XPO7: variants seen among roughly 807,000 people sequenced by gnomAD.
XPO7 encodes the protein exportin-7.
XPO7 carries 21 observed loss-of-function variants against 144.3 expected under a neutral mutation model. The observed-to-expected ratio is 0.15, with a 90% CI of 0.10 to 0.21. The LOEUF (loss-of-function observed/expected upper bound fraction) is 0.21, where lower values mean the gene tolerates loss of function less well. Ranked by LOEUF, XPO7 falls within the 10% of genes least tolerant of loss-of-function variation. The pLI, the probability that XPO7 is intolerant of heterozygous loss-of-function variation, is 1.00. For synonymous variants in XPO7, 580 were observed against 499.6 expected (o/e 1.16, Z -2.15); for missense variants, 808 against 1,325.8 (o/e 0.61, Z 6.06).
intron 1 of XPO7, among the ~76,000 whole-genome samples, chr8:21,920,658 A>T (rs1205171194): frequency 2.0e-5 from 3 of 152,202 alleles, no homozygotes; most frequent in Non-Finnish European, 4.4e-5. Context: ...CCAGTAGCAG[A>T]TGGAGGACTG....
chr8:22,005,136 C>T lies in XPO7; in HGVS notation c.*48C>T. 6.7e-7 allele frequency: 1 copy of T among 1,488,872 alleles called. No individual in the cohort carries two copies. Among genetic ancestry groups the T allele is most frequent in the Non-Finnish European group, 9.2e-7 (1 of 1,086,368 alleles). 92.2% of individuals were successfully genotyped at this position (1,488,872 alleles called of 1,614,324 possible). On this transcript the variant is annotated 3_prime_UTR_variant, in exon 28 of 28. Transcript: ENST00000252512. ...ACAGAGCAGCGTCCCTTTGGTTTGGCCCAGAGGGGCGAACAATTGCAAGGG... is the reference window on the plus strand; with the variant it reads ...ACAGAGCAGCGTCCCTTTGGTTTGGTCCAGAGGGGCGAACAATTGCAAGGG...
At chr8:21,936,117 CT>C (rs1490372494) in intron 1 of XPO7, among the ~76,000 whole-genome samples, 1 of 152,130 alleles carries the variant, frequency 6.6e-6, no homozygotes, top group Admixed American at 6.5e-5. Context: ...AGTTTCCAGT[CT>C]TTTAATGTCT....
At chr8:22,000,689 A>G (rs1813111606) in intron 24 of XPO7, among the ~76,000 whole-genome samples, 1 of 151,988 alleles carries the variant, frequency 6.6e-6, no homozygotes, top group African/African-American at 2.4e-5. Flanking sequence ...TCCTGACCTC[A>G]TGATCCGCCT....
chr8:21,998,666 C>A, intron 21 of XPO7, 89 bp from the exon 22 acceptor site: 1 of 1,036,606 alleles, frequency 9.6e-7, no homozygotes, highest in Non-Finnish European at 1.5e-6. Flanking sequence ...AATGCAGGAT[C>A]ACCCAAGGTA....
intron 1 of XPO7, among the ~76,000 whole-genome samples, chr8:21,959,808 A>G (rs1439890097): frequency 6.6e-6 from 1 of 152,154 alleles, no homozygotes. Flanking sequence ...AACAAAATGC[A>G]TTTACTTTAC....
intron 5 of XPO7, among the ~76,000 whole-genome samples, chr8:21,972,433 C>T (rs980874956): frequency 2.0e-5 from 3 of 152,184 alleles, no homozygotes; most frequent in South Asian, 2.1e-4. Context: ...GCCAAGATCG[C>T]GCTGTTGCAC....
At chr8:21,953,329 T>C (rs1217570405) in intron 1 of XPO7, among the ~76,000 whole-genome samples, 2 of 152,170 alleles carry the variant, frequency 1.3e-5, no homozygotes, top group African/African-American at 4.8e-5. Flanking sequence ...TCTCTATTGT[T>C]TTGCCTTTTC....
Position 21,969,947 on chromosome 8 carries a change from A to G in XPO7, c.260-197A>G, listed in dbSNP as rs375241059. 4.5e-3 allele frequency: 2,831 copies of G among 635,352 alleles called. 120 individuals carry two copies. In the South Asian group the frequency reaches 0.065, roughly 15 times the overall value. The allele number at this position is 635,352 out of a possible 1,614,324, so 39.4% of individuals were successfully genotyped here. On this transcript the variant is annotated intron_variant, in intron 3 of 27. Transcript: ENST00000252512. ...CAAATTCTTCATGAGACAAAATAAA[A>G]TTCTGAATTAGAACACCTACTAATC...
chr8:21,999,336 G>A (rs1319303897), intron 23 of XPO7, 31 bp downstream of exon 23: 1 of 1,609,568 alleles, frequency 6.2e-7, no homozygotes, highest in Non-Finnish European at 8.5e-7. Flanking sequence ...CCACAATCTT[G>A]TTCCTCATCA....
chr8:21,980,228 A>G, intron 9 of XPO7, 25 bp downstream of exon 9: 6 of 1,559,292 alleles, frequency 3.8e-6, no homozygotes, highest in Non-Finnish European at 5.2e-6. Context: ...GAATTTACAT[A>G]TGTATAGGAT....
At chr8:21,977,686 C>G (rs902868378) in intron 7 of XPO7, 84 bp from the exon 8 acceptor site, 2 of 1,262,854 alleles carry the variant, frequency 1.6e-6, no homozygotes, top group Admixed American at 2.0e-5. Flanking sequence ...GAAGGATGTG[C>G]TCCCTGATGT....
Position 21,967,246 on chromosome 8 carries a change from C to T in XPO7, c.165+243C>T, listed in dbSNP as rs139510353. Among the ~76,000 whole-genome samples, 1,079 of 152,292 alleles carry T rather than the reference C, an allele frequency of 7.1e-3. 13 individuals carry two copies. Among genetic ancestry groups the T allele is most frequent in the South Asian group, 0.03 (145 of 4,824 alleles). ...AATTTTTCATCCTAAATTTCCAGAACTTGTTTTCTGCTTTTACATTTAAGT... is the reference window on the plus strand; with the variant it reads ...AATTTTTCATCCTAAATTTCCAGAATTTGTTTTCTGCTTTTACATTTAAGT... On this transcript the variant is annotated intron_variant, in intron 2 of 27. Transcript: ENST00000252512.
At chr8:21,944,711 A>G (rs78571759) in intron 1 of XPO7, among the ~76,000 whole-genome samples, 1 of 152,194 alleles carries the variant, frequency 6.6e-6, no homozygotes, top group Non-Finnish European at 1.5e-5. Flanking sequence ...GCAGATAAAC[A>G]TGTGAACAAA....
At chr8:21,945,681 C>G (rs1319875369) in intron 1 of XPO7, among the ~76,000 whole-genome samples, 2 of 152,156 alleles carry the variant, frequency 1.3e-5, no homozygotes, top group Non-Finnish European at 2.9e-5. Flanking sequence ...AGGAAAATTC[C>G]TTGGGAGCAA....
intron 1 of XPO7, among the ~76,000 whole-genome samples, chr8:21,939,288 C>T (rs375038832): frequency 2.0e-5 from 3 of 149,908 alleles, no homozygotes; most frequent in African/African-American, 7.4e-5. Context: ...GTGCTGCGAT[C>T]TTAGCTCACT....
At chr8:21,979,636 T>G (rs1355358726) in intron 8 of XPO7, among the ~76,000 whole-genome samples, 1 of 148,602 alleles carries the variant, frequency 6.7e-6, no homozygotes, top group African/African-American at 2.5e-5. Context: ...CTCAAATTCC[T>G]GACCTCGTGA....
Position 21,998,762 on chromosome 8 carries a change from C to A in XPO7, c.2353C>A (p.Arg785=), listed in dbSNP as rs1191927392. ...CCTGTGCTCTCTGCTCAGGTCCCAGCGACTCCAGTTTGATGTCTCTTCCCC... is the reference window on the plus strand; with the variant it reads ...CCTGTGCTCTCTGCTCAGGTCCCAGAGACTCCAGTTTGATGTCTCTTCCCC... ...MAELVHNRSQ[R]LQFDVSSPNG... is the part of the protein sequence containing the mutation. Residue 785 remains arginine (R), a synonymous_variant, in exon 22 of 28, where the codon CGA becomes AGA. Transcript: ENST00000252512. 5 of 1,613,786 alleles carry A rather than the reference C, an allele frequency of 3.1e-6. No individual in the cohort carries two copies. The highest frequency in any genetic ancestry group is 2.7e-5 in the African/African-American group (2 of 74,910).
chr8:21,937,821 T>C (rs973330643), intron 1 of XPO7, among the ~76,000 whole-genome samples: 1 of 152,168 alleles, frequency 6.6e-6, no homozygotes, highest in African/African-American at 2.4e-5. Context: ...TGATCATCAG[T>C]TTTTGCAAGT....
intron 1 of XPO7, among the ~76,000 whole-genome samples, chr8:21,962,139 AAAAT>A (rs1236345118): frequency 1.3e-5 from 2 of 152,248 alleles, no homozygotes; most frequent in Non-Finnish European, 2.9e-5. Context: ...ATGAGTTTAA[AAAAT>A]AAATAGTGTG....
Sources: gnomAD v4.1 joint callset for allele counts (sites outside exome capture counted in the v4.1 genomes callset) on GRCh38, gnomAD v4.1.1 for gene constraint, MANE v1.5 for transcripts, NCBI Gene and HGNC (gene_info 2026-07-23, HGNC 2026-07-21) for gene names.